The following OTOG variants were observed in gnomAD, a reference collection of about 807,000 sequenced individuals.
OTOG encodes otogelin.
A neutral mutation model predicts 313.8 loss-of-function variants in OTOG; 296 were observed. That is an observed-to-expected ratio of 0.94 (90% CI 0.86 to 1.04). OTOG has a LOEUF of 1.04. Among genes scored for constraint, OTOG ranks in the 50% least tolerant of loss-of-function variants. OTOG has a pLI of 0.00. For synonymous variants in OTOG, 1,533 were observed against 1,554.9 expected (o/e 0.99, Z 0.33); for missense variants, 3,948 against 3,840.1 (o/e 1.03, Z -0.74).
chr11:17,608,618 G>A (rs576247260), intron 34 of OTOG, among the ~76,000 whole-genome samples: 17 of 152,370 alleles, frequency 1.1e-4, no homozygotes, highest in African/African-American at 3.4e-4. Flanking sequence ...AGAGCCTTGC[G>A]TGTGTTTGTG....
rs1847989387 is a variant in OTOG at position 17,642,127 on chromosome 11, C to A, written c.8296C>A (p.Pro2766Thr). The A allele has an allele frequency of 1.3e-6, 2 of 1,541,048 alleles. No individual in the cohort carries two copies. The highest frequency in any genetic ancestry group is 1.2e-5 in the South Asian group (1 of 82,472). ...CATTACCTACTTCTGTGCCCTCCAGCCCGGGGCATCCTGGATCGCAGACTG... is the reference window on the plus strand; with the variant it reads ...CATTACCTACTTCTGTGCCCTCCAGACCGGGGCATCCTGGATCGCAGACTG... The part of the protein sequence containing the change: ...FPNGTTSLFL[P>T]GASWIADCAR... Residue 2766 changes from proline to threonine, a missense_variant and splice_region_variant, in exon 53 of 56, where the codon CCC (proline) becomes ACC (threonine). Transcript: ENST00000399397.
intron 47 of OTOG, among the ~76,000 whole-genome samples, chr11:17,637,679 G>A (rs1006790615): frequency 1.4e-4 from 22 of 152,272 alleles, no homozygotes; most frequent in African/African-American, 5.3e-4. Flanking sequence ...CCAGATTAGG[G>A]TGATGACCGT....
At chr11:17,596,795 T>C (rs1359002695) in intron 29 of OTOG, 56 bp from the exon 30 acceptor site, 1 of 1,470,040 alleles carries the variant, frequency 6.8e-7, no homozygotes, top group East Asian at 2.5e-5. Flanking sequence ...GCTGAAAAGA[T>C]GCAGATCTGA....
In OTOG at chr11:17,612,209, G is replaced by A; in HGVS notation, c.6171G>A (p.Gln2057=). The A allele has an allele frequency of 6.5e-7, 1 of 1,549,634 alleles. No homozygotes were observed. Among genetic ancestry groups the A allele is most frequent in the Non-Finnish European group, 8.7e-7 (1 of 1,146,986 alleles). ...TCCGCCACATCTGCCTGGAGGGCCAGCTGATTCGCGTGAATCAGTCCCAGC... is the reference window on the plus strand; with the variant it reads ...TCCGCCACATCTGCCTGGAGGGCCAACTGATTCGCGTGAATCAGTCCCAGC... ...DCVRHICLEG[Q]LIRVNQSQHC... Residue 2057 remains glutamine (Q), a synonymous_variant, in exon 37 of 56, where the codon CAG becomes CAA. Transcript: ENST00000399397.
chr11:17,564,752 C>T (rs1235280207), intron 15 of OTOG, among the ~76,000 whole-genome samples: 2 of 152,212 alleles, frequency 1.3e-5, no homozygotes, highest in African/African-American at 4.8e-5. Context: ...TAAGTCTTAA[C>T]ATACCCCATG....
At chr11:17,572,486 C>A (rs954337035) in intron 18 of OTOG, among the ~76,000 whole-genome samples, 13 of 152,204 alleles carry the variant, frequency 8.5e-5, no homozygotes, top group African/African-American at 1.2e-4. Flanking sequence ...CAGGCCCCAC[C>A]CTCTCTGCCC....
rs774229562 is a variant in OTOG at position 17,586,487 on chromosome 11, G to A, written c.2773G>A (p.Gly925Arg). The change falls in exon 24 of 56, where the codon GGG (glycine) becomes AGG (arginine). Residue 925 changes from glycine to arginine, a missense_variant. Physicochemically the swap from Gly to Arg is moderately radical, Grantham distance 125. Transcript: ENST00000399397. ...CACPQGLLRHGDACFLPEECP... is the reference protein window; with the variant it reads ...CACPQGLLRHRDACFLPEECP... ...GTGTCTCTACAGTCTGCTCAGACAC[G>A]GGGATGCATGTTTCCTGCCAGAGGA... 2.0e-5 allele frequency: 29 copies of A among 1,431,168 alleles called. 1 individual carries two copies. Among genetic ancestry groups the A allele is most frequent in the African/African-American group, 7.4e-5 (5 of 67,968 alleles). 88.7% of individuals were successfully genotyped at this position (1,431,168 alleles called of 1,614,324 possible). A position where few individuals can be genotyped will look rare whatever the true frequency, so the allele number is the denominator to read the frequency against.
rs1851827626 is a variant in OTOG, at chr11:17,547,276, C to T, written c.-97C>T. 2 of 1,052,090 alleles carry T rather than the reference C, an allele frequency of 1.9e-6. No homozygotes were observed. Among genetic ancestry groups the T allele is most frequent in the Non-Finnish European group, 2.5e-6 (2 of 814,654 alleles). 65.2% of individuals were successfully genotyped at this position (1,052,090 alleles called of 1,614,324 possible). ...CCTGGGGCATGAGAACAAGAGGGAC[C>T]TCGGCTGCGGAGTGGAGGTGTGACC... On this transcript the variant is annotated 5_prime_UTR_variant, in exon 1 of 56. Transcript: ENST00000399397.
At position 17,555,787 on chromosome 11, in the gene OTOG, T is replaced by A. The variant is rs1185407012; in HGVS notation, c.549T>A (p.Asn183Lys). 5 of 1,550,342 alleles carry A rather than the reference T, an allele frequency of 3.2e-6. No homozygotes were observed. In the Admixed American group the frequency reaches 9.8e-5, roughly 30 times the overall value. ...CTGAACTCCCTACTCAGGTACACAA[T>A]GACCCGCAGTGTGGCTCTTCACCCT... ...EGQSFSIQVH[N>K]DPQCGSSPYT... The change falls in exon 7 of 56, where the codon AAT (asparagine) becomes AAA (lysine). Residue 183 changes from asparagine (N) to lysine (K), a missense_variant. Physicochemically the swap from Asn to Lys is moderately conservative, Grantham distance 94 (BLOSUM62 0). Transcript: ENST00000399397.
At chr11:17,638,402 T>A in intron 47 of OTOG, 49 bp from the exon 48 acceptor site, 2 of 1,433,610 alleles carry the variant, frequency 1.4e-6, no homozygotes, top group Non-Finnish European at 1.9e-6. Context: ...AGGATTCACA[T>A]CCCCAGGTGC....
rs916918952 is a variant in OTOG, at chr11:17,591,435, G to A, written c.2868-15G>A. The stretch of plus-strand genomic sequence containing the variant: ...GGGTGTGCCCTGTGATCTGGTCTGG[G>A]CATGTGTTTTTCAGTGTGTGCCAGC... On this transcript the variant is annotated splice_polypyrimidine_tract_variant and intron_variant, in intron 24 of 55. Coordinates refer to ENST00000399397, the MANE Select transcript of OTOG (RefSeq NM_001292063.2). The A allele has an allele frequency of 5.2e-6, 8 of 1,550,502 alleles. No homozygotes were observed. In the African/African-American group the frequency reaches 9.6e-5, roughly 19 times the overall value.
intron 6 of OTOG, among the ~76,000 whole-genome samples, chr11:17,555,304 G>T (rs1351361078): frequency 6.6e-6 from 1 of 152,054 alleles, no homozygotes; most frequent in Non-Finnish European, 1.5e-5. Flanking sequence ...CCTGCCAGGG[G>T]CATGGGGGAA....
At chr11:17,617,766 CT>C (rs1189023036) in intron 39 of OTOG, among the ~76,000 whole-genome samples, 1 of 151,972 alleles carries the variant, frequency 6.6e-6, no homozygotes, top group Non-Finnish European at 1.5e-5. Flanking sequence ...TATTGGTTTT[CT>C]CTATTATTTT....
At chr11:17,547,645 C>T (rs1851837974) in intron 1 of OTOG, 179 bp downstream of exon 1, 2 of 1,163,326 alleles carry the variant, frequency 1.7e-6, no homozygotes, top group African/African-American at 1.6e-5. Flanking sequence ...CAGAGGCAGG[C>T]CTATGACCGC....
intron 39 of OTOG, among the ~76,000 whole-genome samples, chr11:17,625,261 T>G (rs1337154744): frequency 1.3e-5 from 2 of 152,220 alleles, no homozygotes; most frequent in Non-Finnish European, 2.9e-5. Flanking sequence ...GCTTCCAGGT[T>G]TTGTCCATTC....
chr11:17,641,135 T>G, intron 51 of OTOG, 44 bp downstream of exon 51: 1 of 1,498,414 alleles, frequency 6.7e-7, no homozygotes, highest in East Asian at 2.5e-5. Context: ...TGGGAGGGCT[T>G]GCCTGGCAGA....
chr11:17,572,177 G>C lies in OTOG; in HGVS notation c.2053G>C (p.Asp685His), dbSNP rs1852419740. 6.4e-7 allele frequency: 1 copy of C among 1,550,440 alleles called. No individual in the cohort carries two copies. The highest frequency in any genetic ancestry group is 8.7e-7 in the Non-Finnish European group (1 of 1,146,908). ...CCCGCTGGTCTCTGGCTCCCCTCTG[G>C]ACCCCTGCGATGTGCACCTGCAAGC... The part of the protein sequence containing the change: ...CSPLVSGSPL[D>H]PCDVHLQAAS... The change falls in exon 18 of 56, where the codon GAC (aspartate) becomes CAC (histidine). Residue 685 changes from aspartate to histidine, a missense_variant. Physicochemically the swap from Asp to His is moderately conservative, Grantham distance 81. Transcript: ENST00000399397.
intron 10 of OTOG, 97 bp from the exon 11 acceptor site, chr11:17,558,955 A>G (rs1852115922): frequency 1.0e-6 from 1 of 974,388 alleles, no homozygotes; most frequent in Admixed American, 2.0e-5. Context: ...GGTGGAGAGG[A>G]GAGATGCCCT....
In OTOG at chr11:17,598,474, A is replaced by T. The variant is rs1011965453; in HGVS notation, c.3683-1197A>T. On this transcript the variant is annotated intron_variant, in intron 30 of 55. Transcript: ENST00000399397. ...TGTTTTAAAAATATTGCATTAAGAT[A>T]GTATTTATCTTGATTACTGAGATTT... is the stretch of plus-strand genomic sequence containing the variant. 5.3e-5 allele frequency among the ~76,000 whole-genome samples: 8 copies of T among 152,210 alleles called. No individual in the cohort carries two copies. In the South Asian group the frequency reaches 6.2e-4, roughly 12 times the overall value.
Sources: gnomAD v4.1 joint callset for allele counts (sites outside exome capture counted in the v4.1 genomes callset) on GRCh38, gnomAD v4.1.1 for gene constraint, MANE v1.5 for transcripts, NCBI Gene and HGNC (gene_info 2026-07-23, HGNC 2026-07-21) for gene names.